SENP6: variants seen among roughly 807,000 people sequenced by gnomAD.
SENP6 encodes sentrin-specific protease 6.
A neutral mutation model predicts 134.5 loss-of-function variants in SENP6; 41 were observed. That is an observed-to-expected ratio of 0.30 (90% CI 0.24 to 0.40). SENP6 has a LOEUF of 0.40. SENP6 is among the 10% of genes least tolerant of loss of function. The pLI is 1.00. For synonymous variants in SENP6, 395 were observed against 429.8 expected (o/e 0.92, Z 1.00); for missense variants, 1,248 against 1,312.5 (o/e 0.95, Z 0.76).
At chr6:75,671,802 CTG>C (rs1424989548) in intron 11 of SENP6, among the ~76,000 whole-genome samples, 20 of 152,106 alleles carry the variant, frequency 1.3e-4, no homozygotes, top group African/African-American at 4.6e-4. Context: ...TGAATAATAA[CTG>C]TTTCTTTTCT....
At position 75,668,845 on chromosome 6, in the gene SENP6, A is replaced by T. The variant is rs895509491; in HGVS notation, c.1225-1708A>T. Among the ~76,000 whole-genome samples, 3 of 152,234 alleles carry T rather than the reference A, an allele frequency of 2.0e-5. No homozygotes were observed. The East Asian group carries it at 5.8e-4, about 29-fold the overall frequency. On this transcript the variant is annotated intron_variant, in intron 10 of 23. Transcript: ENST00000447266. ...TTTCAGACTGGCACACTGAATCATA[A>T]GGGTACCTCAGTGTGTACTGTCTTT...
At chr6:75,614,349 T>G (rs566385491) in intron 1 of SENP6, among the ~76,000 whole-genome samples, 41 of 150,158 alleles carry the variant, frequency 2.7e-4, no homozygotes, top group African/African-American at 8.8e-4. Flanking sequence ...CACTGCAACC[T>G]CTGCCTCCCA....
At chr6:75,680,574 A>G (rs1406703190) in intron 16 of SENP6, among the ~76,000 whole-genome samples, 1 of 152,212 alleles carries the variant, frequency 6.6e-6, no homozygotes, top group Non-Finnish European at 1.5e-5. Flanking sequence ...AATTGAAGGG[A>G]AGTGAGAGCT....
chr6:75,668,551 C>G (rs1452689044), intron 10 of SENP6, among the ~76,000 whole-genome samples: 1 of 152,154 alleles, frequency 6.6e-6, no homozygotes, highest in African/African-American at 2.4e-5. Flanking sequence ...TTGTGAACTT[C>G]AGATTGCTGA....
chr6:75,641,094 A>T (rs574439642), intron 6 of SENP6, among the ~76,000 whole-genome samples: 1 of 152,164 alleles, frequency 6.6e-6, no homozygotes, highest in East Asian at 1.9e-4. Context: ...GTATTTGTGA[A>T]CCCACCTCCC....
In SENP6 at chr6:75,634,718, A is replaced by G; in HGVS notation, c.365A>G (p.Gln122Arg). 6.4e-7 allele frequency: 1 copy of G among 1,572,870 alleles called. No individual in the cohort carries two copies. Among genetic ancestry groups the G allele is most frequent in the Non-Finnish European group, 8.6e-7 (1 of 1,167,192 alleles). ...SNNKKLSENT[Q>R]NTSLCSGTVV... ...TCTTGAATCTGCAGTGAAAATACGC[A>G]AAATACGTCATTATGTTCTGGAACT... Residue 122 changes from glutamine to arginine, a missense_variant, in exon 5 of 24, where the codon CAA becomes CGA. By Grantham distance (43) the Gln-to-Arg change is conservative. Transcript: ENST00000447266.
intron 4 of SENP6, among the ~76,000 whole-genome samples, chr6:75,634,174 A>G (rs978365529): frequency 1.3e-5 from 2 of 152,188 alleles, no homozygotes; most frequent in Admixed American, 6.6e-5. Context: ...ATAGGGTTGA[A>G]AGTCACTTTT....
intron 1 of SENP6, among the ~76,000 whole-genome samples, chr6:75,616,289 T>C (rs1394079771): frequency 1.3e-5 from 2 of 152,218 alleles, no homozygotes; most frequent in African/African-American, 2.4e-5. Flanking sequence ...AGTGATACTC[T>C]CAAGGACTTT....
chr6:75,682,946 G>A (rs1773567133), intron 16 of SENP6, among the ~76,000 whole-genome samples: 1 of 152,152 alleles, frequency 6.6e-6, no homozygotes, highest in South Asian at 2.1e-4. Flanking sequence ...GGGTCAAATG[G>A]TAATTCTAGT....
intron 7 of SENP6, among the ~76,000 whole-genome samples, chr6:75,653,643 T>C (rs867533415): frequency 2.1e-5 from 3 of 146,088 alleles, no homozygotes; most frequent in African/African-American, 7.5e-5. Context: ...TTTTTTCTCA[T>C]GTTTTTGGAA....
At chr6:75,612,636 C>G (rs748285591) in intron 1 of SENP6, among the ~76,000 whole-genome samples, 2 of 152,040 alleles carry the variant, frequency 1.3e-5, no homozygotes, top group Non-Finnish European at 2.9e-5. Context: ...CCCCATGAGA[C>G]GTAGAAATTA....
intron 19 of SENP6, among the ~76,000 whole-genome samples, chr6:75,705,820 A>G (rs578012385): frequency 6.6e-6 from 1 of 150,382 alleles, no homozygotes; most frequent in South Asian, 2.1e-4. Flanking sequence ...AGAATAAATT[A>G]TGTGAATTCA....
chr6:75,685,636 C>G (rs532312273), intron 16 of SENP6, among the ~76,000 whole-genome samples: 5 of 152,180 alleles, frequency 3.3e-5, no homozygotes, highest in Non-Finnish European at 7.3e-5. Flanking sequence ...ATCTTTATTT[C>G]TGTCTTCATT....
chr6:75,657,933 A>G (rs1269356054), intron 7 of SENP6, among the ~76,000 whole-genome samples: 1 of 152,142 alleles, frequency 6.6e-6, no homozygotes, highest in Admixed American at 6.5e-5. Context: ...AGTAAGATTG[A>G]AACAGGAACT....
chr6:75,615,041 C>T (rs983739692), intron 1 of SENP6, among the ~76,000 whole-genome samples: 2 of 152,146 alleles, frequency 1.3e-5, no homozygotes, highest in Non-Finnish European at 2.9e-5. Context: ...CAAGCATGCA[C>T]CACCACACCC....
chr6:75,688,008 A>C (rs1773966151), intron 16 of SENP6, among the ~76,000 whole-genome samples: 1 of 152,178 alleles, frequency 6.6e-6, no homozygotes, highest in South Asian at 2.1e-4. Flanking sequence ...ACAGTGGTGG[A>C]GTCTAGAGGC....
intron 1 of SENP6, among the ~76,000 whole-genome samples, chr6:75,619,886 G>A (rs1047637061): frequency 2.0e-5 from 3 of 152,064 alleles, no homozygotes; most frequent in African/African-American, 7.2e-5. Context: ...GAGGCTGGGA[G>A]TTCGAGACCA....
intron 5 of SENP6, among the ~76,000 whole-genome samples, chr6:75,638,271 A>T (rs1174612405): frequency 1.1e-4 from 16 of 147,540 alleles, no homozygotes; most frequent in Non-Finnish European, 1.9e-4. Context: ...TTAAGGCCAC[A>T]GTTATAGTAC....
At chr6:75,614,748 TAGGACCTTCACTATGTACTTGA>T (rs1561965586) in intron 1 of SENP6, among the ~76,000 whole-genome samples, 1 of 152,160 alleles carries the variant, frequency 6.6e-6, no homozygotes, top group East Asian at 1.9e-4. Flanking sequence ...GCACCAACAA[TAGGACCTTCACTATGTACTTGA>T]ATAGACTTGC....
Sources: gnomAD v4.1 joint callset for allele counts (sites outside exome capture counted in the v4.1 genomes callset) on GRCh38, gnomAD v4.1.1 for gene constraint, MANE v1.5 for transcripts, NCBI Gene and HGNC (gene_info 2026-07-23, HGNC 2026-07-21) for gene names.